The following RAB38 variants were observed in gnomAD, a reference collection of about 807,000 sequenced individuals.
RAB38 encodes the protein ras-related protein Rab-38.
In RAB38, 15 loss-of-function variants were observed where a neutral mutation model predicts 18.4. That is an observed-to-expected ratio of 0.82 (90% CI 0.55 to 1.26). The LOEUF (loss-of-function observed/expected upper bound fraction) is 1.26, where lower values mean the gene tolerates loss of function less well. RAB38 is among the 50% of genes most tolerant of loss of function. RAB38 has a pLI of 0.00. For missense variants in RAB38, 294 were observed against 267.4 expected (o/e 1.10, Z -0.69); for synonymous variants, 101 against 104.4 (o/e 0.97, Z 0.20).
At chr11:87,897,340 G>C in the RAB38 span, among the ~76,000 whole-genome samples, 1 of 151,420 alleles carries the variant, frequency 6.6e-6, no homozygotes, top group African/African-American at 2.4e-5. Context: ...TGTAGGTTTT[G>C]CAAACACTGG....
the RAB38 span, among the ~76,000 whole-genome samples, chr11:87,972,198 CA>C: frequency 2.0e-5 from 3 of 152,080 alleles, no homozygotes; most frequent in Admixed American, 2.0e-4. Flanking sequence ...AGGTGCCCCA[CA>C]CTTCAGGACG....
chr11:88,069,319 T>C, the RAB38 span, among the ~76,000 whole-genome samples: 1 of 152,168 alleles, frequency 6.6e-6, no homozygotes, highest in African/African-American at 2.4e-5. Context: ...CAGCCCGCCA[T>C]GCCGGAGGGC....
intron 1 of RAB38, among the ~76,000 whole-genome samples, chr11:88,152,742 T>C (rs1943078820): frequency 6.6e-6 from 1 of 152,242 alleles, no homozygotes; most frequent in Admixed American, 6.5e-5. Flanking sequence ...GAATTCATCA[T>C]AGTTAAATTT....
chr11:88,101,506 AT>A, the RAB38 span, among the ~76,000 whole-genome samples: 1 of 151,896 alleles, frequency 6.6e-6, no homozygotes, highest in African/African-American at 2.4e-5. Flanking sequence ...AAAGATGTTC[AT>A]TACAAAGAGA....
chr11:88,041,230 G>A, the RAB38 span, among the ~76,000 whole-genome samples: 3 of 152,036 alleles, frequency 2.0e-5, no homozygotes, highest in African/African-American at 7.2e-5. Context: ...CTGTAGCATG[G>A]CATGTTCCTT....
chr11:88,082,692 C>G, the RAB38 span, among the ~76,000 whole-genome samples: 2 of 151,874 alleles, frequency 1.3e-5, no homozygotes, highest in Non-Finnish European at 2.9e-5. Context: ...AACATTTATT[C>G]AGTCTCACTT....
the RAB38 span, among the ~76,000 whole-genome samples, chr11:88,085,604 A>G: frequency 6.6e-6 from 1 of 151,898 alleles, no homozygotes. Flanking sequence ...CATCAATTCA[A>G]ATGATTTTAT....
chr11:88,050,444 CT>C, the RAB38 span, among the ~76,000 whole-genome samples: 6 of 152,192 alleles, frequency 3.9e-5, no homozygotes, highest in Non-Finnish European at 1.5e-5. Flanking sequence ...CTGTTTCTGT[CT>C]TTCTCTGGGG....
the RAB38 span, among the ~76,000 whole-genome samples, chr11:87,870,684 CA>C: frequency 1.3e-5 from 2 of 151,548 alleles, no homozygotes; most frequent in African/African-American, 2.4e-5. Context: ...ATAACTCAAG[CA>C]AGGATAGAAC....
chr11:88,038,709 G>T, the RAB38 span, among the ~76,000 whole-genome samples: 2 of 151,934 alleles, frequency 1.3e-5, no homozygotes, highest in Non-Finnish European at 2.9e-5. Context: ...CAAGTCTTAC[G>T]AATTATATAT....
chr11:87,841,303 C>T, the RAB38 span, among the ~76,000 whole-genome samples: 1 of 152,098 alleles, frequency 6.6e-6, no homozygotes, highest in South Asian at 2.1e-4. Context: ...AGGGAGCTTT[C>T]ACGAGATCTG....
intron 2 of RAB38, among the ~76,000 whole-genome samples, chr11:88,140,246 T>C (rs557137800): frequency 6.6e-6 from 1 of 152,330 alleles, no homozygotes; most frequent in Admixed American, 6.5e-5. Context: ...CTCCCTCCTG[T>C]GCAGTTTCTA....
the RAB38 span, among the ~76,000 whole-genome samples, chr11:88,085,104 C>T: frequency 2.0e-5 from 3 of 151,818 alleles, no homozygotes; most frequent in Non-Finnish European, 2.9e-5. Flanking sequence ...TTAATGGTTA[C>T]TAGAACCTGG....
At chr11:88,029,104 C>A in the RAB38 span, among the ~76,000 whole-genome samples, 3 of 151,746 alleles carry the variant, frequency 2.0e-5, no homozygotes, top group Non-Finnish European at 1.5e-5. Context: ...AATTTTCAAC[C>A]CAGAATTTCA....
the RAB38 span, among the ~76,000 whole-genome samples, chr11:88,013,645 AAAG>A: frequency 6.6e-6 from 1 of 152,140 alleles, no homozygotes; most frequent in African/African-American, 2.4e-5. Context: ...GAAATCACTC[AAAG>A]AAGGACTCAT....
intron 2 of RAB38, among the ~76,000 whole-genome samples, chr11:88,147,340 T>A (rs1312634622): frequency 6.6e-6 from 1 of 152,148 alleles, no homozygotes; most frequent in Non-Finnish European, 1.5e-5. Context: ...CCTCTCCCCA[T>A]GTAAATACAG....
chr11:88,045,170 T>C, the RAB38 span, among the ~76,000 whole-genome samples: 1 of 152,026 alleles, frequency 6.6e-6, no homozygotes, highest in Non-Finnish European at 1.5e-5. Context: ...CAGAAGGCCG[T>C]CTTATTCTCA....
chr11:87,805,153 A>C, the RAB38 span, among the ~76,000 whole-genome samples: 3 of 152,208 alleles, frequency 2.0e-5, no homozygotes, highest in South Asian at 6.2e-4. Flanking sequence ...GGTAGTACAA[A>C]GAAGCATTGG....
At chr11:87,964,729 A>C in the RAB38 span, among the ~76,000 whole-genome samples, 1 of 152,142 alleles carries the variant, frequency 6.6e-6, no homozygotes, top group African/African-American at 2.4e-5. Context: ...AAAAATTAAA[A>C]AAAATTGCTT....
Sources: allele counts gnomAD v4.1 joint callset (sites outside exome capture counted in the v4.1 genomes callset), GRCh38; gene constraint gnomAD v4.1.1; transcripts MANE v1.5; gene names NCBI Gene and HGNC (gene_info 2026-07-23, HGNC 2026-07-21).